GPAT3: variants seen among roughly 807,000 people sequenced by gnomAD.
The protein encoded by GPAT3 is glycerol-3-phosphate acyltransferase 3, also known as 1-AGP acyltransferase 9.
In GPAT3, 53 loss-of-function variants were observed where a neutral mutation model predicts 58.8. The observed-to-expected ratio is 0.90, with a 90% CI of 0.72 to 1.13. The LOEUF is 1.13. Among genes scored for constraint, GPAT3 ranks in the 50% most tolerant of loss-of-function variants. The pLI is 0.00. For synonymous variants in GPAT3, 197 were observed against 187.4 expected, an observed-to-expected ratio of 1.05 and a Z score of -0.42; for missense variants, 511 against 527.6, an observed-to-expected ratio of 0.97 and a Z score of 0.31.
At position 83,594,755 on chromosome 4, in the gene GPAT3, A is replaced by C; in HGVS notation, c.739-90A>C. ...CAGTAGAAGGCCAATCATATTTTTG[A>C]GTGGAGAATAGAAATTTGTTGGTAC... On this transcript the variant is annotated intron_variant, in intron 6 of 11. Coordinates refer to ENST00000264409, the MANE Select transcript of GPAT3 (RefSeq NM_032717.5). The C allele has an allele frequency of 3.0e-6, 3 of 1,009,766 alleles. No homozygotes were observed. The East Asian group carries it at 7.2e-5, about 24-fold the overall frequency. The allele number at this position is 1,009,766 out of a possible 1,614,324, so 62.6% of individuals were successfully genotyped here.
At chr4:83,602,857 T>C (rs1296300726) in intron 11 of GPAT3, among the ~76,000 whole-genome samples, 1 of 152,222 alleles carries the variant, frequency 6.6e-6, no homozygotes, top group Non-Finnish European at 1.5e-5. Context: ...GAGGCTTATG[T>C]GGACAATTCT....
intron 2 of GPAT3, among the ~76,000 whole-genome samples, chr4:83,549,216 T>G (rs1278829633): frequency 6.6e-6 from 1 of 151,888 alleles, no homozygotes; most frequent in Non-Finnish European, 1.5e-5. Flanking sequence ...CTTATTTTGT[T>G]TTGGACAGGC....
In GPAT3 at chr4:83,599,083, C is replaced by T. The variant is rs948468480; in HGVS notation, c.1205+360C>T. Among the ~76,000 whole-genome samples the T allele has an allele frequency of 2.0e-5, 3 of 151,588 alleles. No individual in the cohort carries two copies. In the South Asian group the frequency reaches 6.3e-4, roughly 32 times the overall value. On this transcript the variant is annotated intron_variant, in intron 11 of 11. Transcript: ENST00000264409. The stretch of plus-strand genomic sequence containing the variant: ...ACAGTCATGAGCTACTGTTCCTGGC[C>T]TTTTCTTTTTTTTAATTAAAAAAAT...
intron 2 of GPAT3, among the ~76,000 whole-genome samples, chr4:83,575,720 T>C (rs1725788152): frequency 6.6e-6 from 1 of 152,222 alleles, no homozygotes; most frequent in African/African-American, 2.4e-5. Flanking sequence ...GGCTGACACC[T>C]AATTTTATAA....
chr4:83,600,615 G>A (rs1427069035), intron 11 of GPAT3, among the ~76,000 whole-genome samples: 1 of 152,002 alleles, frequency 6.6e-6, no homozygotes, highest in Non-Finnish European at 1.5e-5. Context: ...CAATTCTCCT[G>A]CCTCAGCCTC....
chr4:83,570,696 C>G (rs1233608804), intron 2 of GPAT3, among the ~76,000 whole-genome samples: 1 of 152,096 alleles, frequency 6.6e-6, no homozygotes, highest in African/African-American at 2.4e-5. Context: ...TGGTCTCGAA[C>G]TCCTGATCTC....
chr4:83,569,937 A>G lies in GPAT3; in HGVS notation c.209-11625A>G, dbSNP rs546063109. On this transcript the variant is annotated intron_variant, in intron 2 of 11. Coordinates refer to ENST00000264409, the MANE Select transcript of GPAT3 (RefSeq NM_032717.5). ...TCTAGATTAATGTTAGATAGGGGCC[A>G]TATATAGATTTTCTTGTATCAATTA... 3.9e-5 allele frequency among the ~76,000 whole-genome samples: 6 copies of G among 152,308 alleles called. No individual in the cohort carries two copies. In the East Asian group the frequency reaches 1.2e-3, roughly 29 times the overall value.
chr4:83,545,647 A>G (rs1360397254), intron 2 of GPAT3, among the ~76,000 whole-genome samples: 6 of 152,218 alleles, frequency 3.9e-5, no homozygotes, highest in African/African-American at 1.4e-4. Flanking sequence ...CATGGTGTAT[A>G]CTTAAACACC....
chr4:83,595,342 A>T (rs1726781746), intron 7 of GPAT3: 1 of 153,316 alleles, frequency 6.5e-6, no homozygotes, highest in Admixed American at 6.5e-5. Context: ...AAAAGAAAAA[A>T]AAACCACCTT....
At chr4:83,538,961 T>C (rs1040424069) in intron 1 of GPAT3, among the ~76,000 whole-genome samples, 1 of 152,208 alleles carries the variant, frequency 6.6e-6, no homozygotes, top group Non-Finnish European at 1.5e-5. Context: ...GTGAGCCAGC[T>C]CTGATTTGTT....
chr4:83,535,614 C>T (rs982489797), upstream of GPAT3: 9 of 727,820 alleles, frequency 1.2e-5, no homozygotes, highest in Non-Finnish European at 1.5e-5. Context: ...AAGGGAGTGA[C>T]AGATACTTAG....
At chr4:83,542,674 A>G (rs1255423193) in intron 1 of GPAT3, among the ~76,000 whole-genome samples, 6 of 152,196 alleles carry the variant, frequency 3.9e-5, no homozygotes, top group Non-Finnish European at 7.3e-5. Flanking sequence ...GCTTAGCAAT[A>G]ACTGAGGTTT....
intron 2 of GPAT3, among the ~76,000 whole-genome samples, chr4:83,563,937 T>C (rs533353085): frequency 6.6e-6 from 1 of 152,350 alleles, no homozygotes; most frequent in African/African-American, 2.4e-5. Context: ...AGAAGTTTCA[T>C]TATATGAATG....
intron 3 of GPAT3, among the ~76,000 whole-genome samples, chr4:83,585,715 C>T (rs539325824): frequency 4.0e-5 from 6 of 151,756 alleles, no homozygotes; most frequent in East Asian, 1.9e-4. Context: ...TGGGTTCAAG[C>T]GGTTCTCGTT....
chr4:83,594,667 A>G (rs1726742804), intron 6 of GPAT3, among the ~76,000 whole-genome samples, 178 bp from the exon 7 acceptor site: 1 of 152,232 alleles, frequency 6.6e-6, no homozygotes. Flanking sequence ...AGGTGCTACT[A>G]AAGAATACCT....
chr4:83,562,213 A>ATATATAT (rs1171003273), intron 2 of GPAT3, among the ~76,000 whole-genome samples: 17 of 20,386 alleles, frequency 8.3e-4, no homozygotes, highest in African/African-American at 7.2e-3. Flanking sequence ...TATATATATT[A>ATATATAT]TATATATATA....
In GPAT3 at chr4:83,559,524, G is replaced by A. The variant is rs1192469511; in HGVS notation, c.208+14922G>A. Among the ~76,000 whole-genome samples the A allele has an allele frequency of 2.6e-5, 4 of 152,042 alleles. No individual in the cohort carries two copies. In the East Asian group the frequency reaches 7.7e-4, roughly 29 times the overall value. ...ATTTTAGTAGAGATGGGGTTTCACT[G>A]TGTTGCCCTGGCTGGTCTTGAACTC... On this transcript the variant is annotated intron_variant, in intron 2 of 11. Coordinates refer to ENST00000264409, the MANE Select transcript of GPAT3 (RefSeq NM_032717.5).
At chr4:83,585,655 CTGAAG>C (rs982224349) in intron 3 of GPAT3, among the ~76,000 whole-genome samples, 3 of 151,386 alleles carry the variant, frequency 2.0e-5, no homozygotes, top group African/African-American at 7.3e-5. Context: ...GTTGCCCAGG[CTGAAG>C]TGTAGTGGCA....
chr4:83,549,680 T>C (rs1963045), intron 2 of GPAT3, among the ~76,000 whole-genome samples: 73,537 of 148,000 alleles, frequency 0.5, 18,559 homozygotes, highest in Middle Eastern at 0.58. Flanking sequence ...TTACAGGGTG[T>C]GCCACCACGC....
Sources: gnomAD v4.1 joint callset for allele counts (sites outside exome capture counted in the v4.1 genomes callset) on GRCh38, gnomAD v4.1.1 for gene constraint, MANE v1.5 for transcripts, NCBI Gene and HGNC (gene_info 2026-07-23, HGNC 2026-07-21) for gene names.